CACNA1C: variants seen among roughly 807,000 people sequenced by gnomAD.
The protein encoded by CACNA1C is voltage-dependent L-type calcium channel subunit alpha-1C.
A neutral mutation model predicts 229.0 loss-of-function variants in CACNA1C; 30 were observed. That is an observed-to-expected ratio of 0.13 (90% CI 0.10 to 0.18). The LOEUF is 0.18. CACNA1C is among the 10% of genes least tolerant of loss of function. The pLI is 1.00. For synonymous variants in CACNA1C, 1,114 were observed against 1,132.5 expected, an observed-to-expected ratio of 0.98 and a Z score of 0.33; for missense variants, 1,658 against 2,845.0, an observed-to-expected ratio of 0.58 and a Z score of 9.49.
chr12:2,488,977 C>T lies in CACNA1C; in HGVS notation c.916+2715C>T, dbSNP rs1597845234. 6.6e-6 allele frequency among the ~76,000 whole-genome samples: 1 copy of T among 152,212 alleles called. No homozygotes were observed. Among genetic ancestry groups the T allele is most frequent in the Admixed American group, 6.5e-5 (1 of 15,286 alleles). On this transcript the variant is annotated intron_variant, in intron 6 of 46. Coordinates refer to ENST00000399655, the MANE Select transcript of CACNA1C (RefSeq NM_000719.7). The surrounding 1 kb of genome is among the most constrained non-coding windows in gnomAD (Gnocchi z 4.0). ...GCAGTGCAGACAAGGAGGGAAAATA[C>T]GCGAGAACCCAGACATGTCTGTGCA... is the stretch of plus-strand genomic sequence containing the variant.
chr12:2,130,079 C>T (rs192023417), intron 3 of CACNA1C, among the ~76,000 whole-genome samples: 1 of 151,990 alleles, frequency 6.6e-6, no homozygotes, highest in East Asian at 1.9e-4. Flanking sequence ...GTTGGATTGG[C>T]GCCTTCTAAC....
At chr12:1,998,104 T>A in intron 1 of CACNA1C, 1 of 699,840 alleles carries the variant, frequency 1.4e-6, no homozygotes, top group Non-Finnish European at 2.3e-6. Context: ...CATGAGGAGT[T>A]ATTCTCAGGA....
chr12:2,450,512 C>CGT (rs2099357109), intron 4 of CACNA1C, among the ~76,000 whole-genome samples: 2 of 134,832 alleles, frequency 1.5e-5, no homozygotes, highest in South Asian at 2.3e-4. Flanking sequence ...CGAGATCATG[C>CGT]CACTGCACTC....
chr12:2,624,517 C>T (rs1225738706), intron 29 of CACNA1C, among the ~76,000 whole-genome samples: 1 of 152,216 alleles, frequency 6.6e-6, no homozygotes, highest in Non-Finnish European at 1.5e-5. Flanking sequence ...CCTCACTAAC[C>T]TGGAATATTC....
intron 9 of CACNA1C, among the ~76,000 whole-genome samples, chr12:2,522,333 C>T (rs2099811568): frequency 6.6e-6 from 1 of 152,254 alleles, no homozygotes; most frequent in Non-Finnish European, 1.5e-5. Flanking sequence ...ATTTCACAGA[C>T]TTCCCCCAAA....
intron 9 of CACNA1C, among the ~76,000 whole-genome samples, chr12:2,541,444 C>T (rs1599423126): frequency 6.6e-6 from 1 of 152,184 alleles, no homozygotes; most frequent in South Asian, 2.1e-4. Context: ...AAGTCAATTC[C>T]TTAGTTCCAT....
rs1345017916 is a variant in CACNA1C at position 2,575,144 on chromosome 12, C to A, written c.1896-6446C>A. Among the ~76,000 whole-genome samples the A allele has an allele frequency of 1.3e-5, 2 of 152,220 alleles. No homozygotes were observed. On this transcript the variant is annotated intron_variant, in intron 13 of 46. Transcript: ENST00000399655. This position sits in a 1 kb window ranked among gnomAD's most constrained non-coding sequence, Gnocchi z 4.0. ...TCCGTTCTTAATGTGACCGAGACAT[C>A]TGCTGCAAACAGAGAAGACAAGACC...
chr12:2,159,086 AGCT>A (rs1350607878), intron 3 of CACNA1C, among the ~76,000 whole-genome samples: 1 of 152,044 alleles, frequency 6.6e-6, no homozygotes, highest in Admixed American at 6.6e-5. Flanking sequence ...CAAAAGAAAC[AGCT>A]AAGGAATTGA....
At chr12:2,014,310 T>C (rs1038468027) in intron 1 of CACNA1C, among the ~76,000 whole-genome samples, 2 of 151,974 alleles carry the variant, frequency 1.3e-5, no homozygotes, top group Non-Finnish European at 2.9e-5. Context: ...CTGTGTTTAG[T>C]CTATAATGGG....
At chr12:2,236,773 T>C (rs541944846) in intron 3 of CACNA1C, among the ~76,000 whole-genome samples, 2 of 152,252 alleles carry the variant, frequency 1.3e-5, no homozygotes, top group African/African-American at 4.8e-5. Flanking sequence ...GCAGAGGCGA[T>C]AGTTGAAGTG....
chr12:2,390,505 C>T (rs899139874), intron 3 of CACNA1C, among the ~76,000 whole-genome samples: 13 of 152,168 alleles, frequency 8.5e-5, no homozygotes, highest in African/African-American at 3.1e-4. Flanking sequence ...AAGAAAGACA[C>T]AAATAAAATT....
At chr12:2,222,896 C>T (rs1321905040) in intron 3 of CACNA1C, among the ~76,000 whole-genome samples, 2 of 152,142 alleles carry the variant, frequency 1.3e-5, no homozygotes, top group African/African-American at 4.8e-5. Context: ...AATGAACCTG[C>T]AAAGGAGTTG....
At chr12:2,276,823 T>TG (rs2088378299) in intron 3 of CACNA1C, among the ~76,000 whole-genome samples, 1 of 150,924 alleles carries the variant, frequency 6.6e-6, no homozygotes, top group South Asian at 2.1e-4. Context: ...TGACGGAGGG[T>TG]GGGGTAGCGG....
chr12:2,630,157 C>G lies in CACNA1C; in HGVS notation c.3829-4140C>G, dbSNP rs879913777. On this transcript the variant is annotated intron_variant, in intron 29 of 46. Coordinates refer to ENST00000399655, the MANE Select transcript of CACNA1C (RefSeq NM_000719.7). This position sits in a 1 kb window ranked among gnomAD's most constrained non-coding sequence, Gnocchi z 5.4. ...GAGCCAGGAAAACCCTTTCTCCAAC[C>G]CCTTACTTCTCAACCATTTGGGACA... 6.6e-6 allele frequency among the ~76,000 whole-genome samples: 1 copy of G among 152,184 alleles called. No individual in the cohort carries two copies. Among genetic ancestry groups the G allele is most frequent in the Non-Finnish European group, 1.5e-5 (1 of 68,036 alleles).
At chr12:2,551,771 G>T (rs757616795) in intron 10 of CACNA1C, among the ~76,000 whole-genome samples, 16 of 152,160 alleles carry the variant, frequency 1.1e-4, no homozygotes, top group Non-Finnish European at 2.1e-4. Flanking sequence ...AAGGAACTAC[G>T]GCATGTTACT....
At position 2,567,588 on chromosome 12, in the gene CACNA1C, G is replaced by C. The variant is rs372908090; in HGVS notation, c.1689G>C (p.Leu563=). The change falls in exon 13 of 47, where the codon CTG becomes CTC. Residue 563 remains leucine, a synonymous_variant. Coordinates refer to ENST00000399655, the MANE Select transcript of CACNA1C (RefSeq NM_000719.7). ...TGCCAGACACGGCAAACAAGGCCCT[G>C]CTGGCCCTGTTCACGGCAGAGATGC... ...TEVQDTANKA[L]LALFTAEMLL... 13 of 1,593,184 alleles carry C rather than the reference G, an allele frequency of 8.2e-6. No individual in the cohort carries two copies. Among genetic ancestry groups the C allele is most frequent in the South Asian group, 4.6e-5 (4 of 87,682 alleles).
chr12:1,971,753 A>C lies in CACNA1C; in HGVS notation c.139+552A>C, dbSNP rs2032363862. Among the ~76,000 whole-genome samples, 1 of 152,156 alleles carries C rather than the reference A, an allele frequency of 6.6e-6. No individual in the cohort carries two copies. The highest frequency in any genetic ancestry group is 6.5e-5 in the Admixed American group (1 of 15,282). On this transcript the variant is annotated intron_variant, in intron 1 of 46. Coordinates refer to the CACNA1C transcript ENST00000682462. The surrounding 1 kb of genome is among the most constrained non-coding windows in gnomAD (Gnocchi z 4.2). Reference sequence around the variant, plus strand: ...TCTTATTAGCATGGTGCATTAGTTCATTTTGCATGTTCTTTGGGGATTTGC... The same window carrying C: ...TCTTATTAGCATGGTGCATTAGTTCCTTTTGCATGTTCTTTGGGGATTTGC...
At chr12:2,531,943 A>T (rs2099841921) in intron 9 of CACNA1C, among the ~76,000 whole-genome samples, 1 of 152,110 alleles carries the variant, frequency 6.6e-6, no homozygotes, top group Admixed American at 6.5e-5. Context: ...CCAGTCACAA[A>T]AAACCCTTCC....
At position 1,971,150 on chromosome 12, in the gene CACNA1C, G is replaced by A; in HGVS notation, c.88G>A (p.Gly30Ser). Residue 30 changes from glycine to serine, a missense_variant, in exon 1 of 47, where the codon GGT becomes AGT. Gly to Ser is a moderately conservative substitution (Grantham distance 56). Coordinates refer to the CACNA1C transcript ENST00000682462. The surrounding 1 kb of genome is among the most constrained non-coding windows in gnomAD (Gnocchi z 4.2). Reference sequence around the variant, plus strand: ...TGCCAACACGGAGGTCAAGTTTAAGGGTACTTTGGTGCATGAAGCTCAACT... The same window carrying A: ...TGCCAACACGGAGGTCAAGTTTAAGAGTACTTTGGTGCATGAAGCTCAACT... The A allele has an allele frequency of 7.8e-7, 1 of 1,289,246 alleles. No homozygotes were observed. Among genetic ancestry groups the A allele is most frequent in the Non-Finnish European group, 1.0e-6 (1 of 988,426 alleles). The allele number at this position is 1,289,246 out of a possible 1,614,324, so 79.9% of individuals were successfully genotyped here. A position where few individuals can be genotyped will look rare whatever the true frequency, so the allele number is the denominator to read the frequency against.
Sources: allele counts gnomAD v4.1 joint callset (sites outside exome capture counted in the v4.1 genomes callset), GRCh38; gene constraint gnomAD v4.1.1; non-coding constraint Gnocchi (gnomAD v3.1); transcripts MANE v1.5; gene names NCBI Gene and HGNC (gene_info 2026-07-23, HGNC 2026-07-21).